The following SATL1 variants were observed in gnomAD, a reference collection of about 807,000 sequenced individuals.
SATL1 encodes spermidine/spermine N(1)-acetyltransferase-like protein 1.
In SATL1, 47 loss-of-function variants were observed where a neutral mutation model predicts 51.8. The observed-to-expected ratio is 0.91, with a 90% CI of 0.72 to 1.16. The LOEUF is 1.16. SATL1 is among the 50% of genes most tolerant of loss of function. SATL1 has a pLI of 0.00. For missense variants in SATL1, 520 were observed against 526.4 expected (o/e 0.99, Z 0.12); for synonymous variants, 176 against 182.4 (o/e 0.97, Z 0.28).
At chrX:85,136,780 T>C (rs1361409431) in intron 2 of SATL1, among the ~76,000 whole-genome samples, 2 of 111,937 alleles carry the variant, frequency 1.8e-5, no homozygotes, top group African/African-American at 6.5e-5. Context: ...TAGCAAATAG[T>C]AAAGTGTACC....
intron 2 of SATL1, among the ~76,000 whole-genome samples, chrX:85,191,513 T>C (rs1366998502): frequency 9.0e-6 from 1 of 111,438 alleles, no homozygotes; most frequent in Non-Finnish European, 1.9e-5. Flanking sequence ...CCATGTGCAA[T>C]AGAAAATCCG....
intron 1 of SATL1, among the ~76,000 whole-genome samples, chrX:85,232,393 T>C (rs1032100755): frequency 3.6e-5 from 4 of 111,148 alleles, no homozygotes; most frequent in African/African-American, 1.3e-4. Context: ...GAGATTTGTT[T>C]TGTTTGAGAA....
At chrX:85,145,369 C>A (rs924318345) in intron 2 of SATL1, among the ~76,000 whole-genome samples, 2 of 111,498 alleles carry the variant, frequency 1.8e-5, no homozygotes, top group Admixed American at 9.6e-5. Flanking sequence ...ACCATGATTA[C>A]CTATCAAATA....
chrX:85,187,505 T>A (rs1224593056), intron 2 of SATL1, among the ~76,000 whole-genome samples: 2 of 111,664 alleles, frequency 1.8e-5, no homozygotes, highest in Non-Finnish European at 3.8e-5. Flanking sequence ...TATAACCAAT[T>A]TATTGAGAGT....
At chrX:85,138,841 G>A (rs57643496) in intron 2 of SATL1, among the ~76,000 whole-genome samples, 19,430 of 110,893 alleles carry the variant, frequency 0.18, 2,109 homozygotes, top group African/African-American at 0.4. Context: ...CATATTTATT[G>A]ATGAGAATGA....
At chrX:85,238,056 A>G (rs1189420226) in intron 1 of SATL1, among the ~76,000 whole-genome samples, 1 of 111,601 alleles carries the variant, frequency 9.0e-6, no homozygotes, top group Non-Finnish European at 1.9e-5. Flanking sequence ...AAGACAGGCA[A>G]TAACAAATGC....
chrX:85,147,593 C>A (rs192622947), intron 2 of SATL1, among the ~76,000 whole-genome samples: 1 of 111,968 alleles, frequency 8.9e-6, no homozygotes, highest in African/African-American at 3.2e-5. Context: ...AGACTGACAC[C>A]TCACACAGCC....
intron 2 of SATL1, among the ~76,000 whole-genome samples, chrX:85,157,138 C>G (rs898939061): frequency 3.7e-5 from 4 of 109,099 alleles, no homozygotes; most frequent in African/African-American, 1.3e-4. Context: ...CAATTATGAT[C>G]TCTATATTTA....
rs184262322 is a variant in SATL1, at chrX:85,163,153, T to C, written c.-312-53873A>G. On this transcript the variant is annotated intron_variant, in intron 2 of 7. Coordinates refer to ENST00000644105, the MANE Select transcript of SATL1 (RefSeq NM_001367857.2). ...ATTTTAATGTCTGATAGAATTCAGC[T>C]GTGAATCCATCTGGTCCTGGAGTTT... Among the ~76,000 whole-genome samples, 15 of 107,700 alleles carry C rather than the reference T, an allele frequency of 1.4e-4. No individual in the cohort carries two copies. In the East Asian group the frequency reaches 4.3e-3, roughly 31 times the overall value. The allele number at this position is 107,700 out of a possible 115,157, so 93.5% of individuals were successfully genotyped here. A position where few individuals can be genotyped will look rare whatever the true frequency, so the allele number is the denominator to read the frequency against.
At chrX:85,199,204 C>T (rs1387075863) in intron 2 of SATL1, among the ~76,000 whole-genome samples, 1 of 111,198 alleles carries the variant, frequency 9.0e-6, no homozygotes, top group Non-Finnish European at 1.9e-5. Flanking sequence ...TGTCTTGTAA[C>T]CATTCCTCTG....
At chrX:85,093,880 A>G (rs909643814) in intron 6 of SATL1, among the ~76,000 whole-genome samples, 1 of 111,710 alleles carries the variant, frequency 9.0e-6, no homozygotes, top group African/African-American at 3.3e-5. Context: ...ATAAAAAAAT[A>G]TATAGCCATG....
intron 2 of SATL1, among the ~76,000 whole-genome samples, chrX:85,135,564 G>A (rs1925930139): frequency 9.3e-6 from 1 of 107,346 alleles, no homozygotes; most frequent in South Asian, 4.3e-4. Flanking sequence ...AAAAAAGAGT[G>A]AGATAAATCT....
At chrX:85,135,739 G>A (rs965756945) in intron 2 of SATL1, among the ~76,000 whole-genome samples, 5 of 107,555 alleles carry the variant, frequency 4.6e-5, no homozygotes, top group African/African-American at 6.9e-5. Flanking sequence ...CACCGTGCTC[G>A]AGTAATTTTT....
intron 1 of SATL1, among the ~76,000 whole-genome samples, chrX:85,224,542 C>T (rs1928238563): frequency 1.8e-5 from 2 of 110,203 alleles, no homozygotes; most frequent in Admixed American, 1.9e-4. Flanking sequence ...CACAAATATC[C>T]CTTTAATCTT....
intron 2 of SATL1, among the ~76,000 whole-genome samples, chrX:85,167,259 G>C (rs764887510): frequency 3.9e-5 from 4 of 103,075 alleles, no homozygotes; most frequent in Admixed American, 1.1e-4. Context: ...GATGGGGGGG[G>C]GGTTGATGAG....
chrX:85,208,207 C>T lies in SATL1; in HGVS notation c.-313+15998G>A, dbSNP rs927149296. 3.6e-5 allele frequency among the ~76,000 whole-genome samples: 4 copies of T among 111,294 alleles called. No homozygotes were observed. In the Admixed American group the frequency reaches 3.8e-4, roughly 11 times the overall value. Reference sequence around the variant, plus strand: ...TCAGAATGTTGGTTTCCAGCTGCATCTATGTCCCTGCAAAGGACATGAACT... The same window carrying T: ...TCAGAATGTTGGTTTCCAGCTGCATTTATGTCCCTGCAAAGGACATGAACT... On this transcript the variant is annotated intron_variant, in intron 2 of 7. Coordinates refer to ENST00000644105, the MANE Select transcript of SATL1 (RefSeq NM_001367857.2).
At chrX:85,106,204 G>A (rs1170393810) in intron 3 of SATL1, among the ~76,000 whole-genome samples, 1 of 111,656 alleles carries the variant, frequency 9.0e-6, no homozygotes. Context: ...TAATCTCTTG[G>A]GCATAGTATT....
chrX:85,196,503 A>G (rs746956011), intron 2 of SATL1, among the ~76,000 whole-genome samples: 2 of 111,603 alleles, frequency 1.8e-5, no homozygotes, highest in Admixed American at 1.9e-4. Flanking sequence ...CAGAACAGCC[A>G]AAACAATCTT....
intron 2 of SATL1, among the ~76,000 whole-genome samples, chrX:85,164,881 C>T (rs1926798280): frequency 1.8e-5 from 2 of 110,109 alleles, no homozygotes; most frequent in Middle Eastern, 4.6e-3. Context: ...CGCACCACCA[C>T]ACCCGACTAA....
Sources: allele counts gnomAD v4.1 joint callset (sites outside exome capture counted in the v4.1 genomes callset), GRCh38; gene constraint gnomAD v4.1.1; transcripts MANE v1.5; gene names NCBI Gene and HGNC (gene_info 2026-07-23, HGNC 2026-07-21).